PTPRD: variants seen among roughly 807,000 people sequenced by gnomAD.
PTPRD encodes protein tyrosine phosphatase receptor type D, also known as receptor-type tyrosine-protein phosphatase delta.
Under a neutral mutation model 214.5 loss-of-function variants are expected in PTPRD, and 34 were observed. The observed-to-expected ratio is 0.16, with a 90% CI of 0.12 to 0.21. PTPRD has a LOEUF of 0.21. Ranked by LOEUF, PTPRD falls within the 10% of genes least tolerant of loss-of-function variation. The pLI is 1.00. For synonymous variants in PTPRD, 1,128 were observed against 845.7 expected (o/e 1.33, Z -5.79); for missense variants, 2,545 against 2,398.7 (o/e 1.06, Z -1.27).
intron 3 of PTPRD, among the ~76,000 whole-genome samples, chr9:10,204,258 G>T (rs193219252): frequency 6.6e-6 from 1 of 152,028 alleles, no homozygotes; most frequent in Non-Finnish European, 1.5e-5. Context: ...CTTTGGGTTT[G>T]CTTGCTTCTA....
chr9:10,250,965 G>A (rs2092707483), intron 3 of PTPRD, among the ~76,000 whole-genome samples: 1 of 152,012 alleles, frequency 6.6e-6, no homozygotes, highest in Non-Finnish European at 1.5e-5. Context: ...AAAATTCAGT[G>A]CTACAAAAGT....
Position 8,354,821 on chromosome 9 carries a change from T to A in PTPRD, c.4662-12843A>T, listed in dbSNP as rs79256431. Among the ~76,000 whole-genome samples the A allele has an allele frequency of 7.9e-3, 1,210 of 152,300 alleles. 14 individuals carry two copies. Among genetic ancestry groups the A allele is most frequent in the African/African-American group, 0.026 (1,097 of 41,564 alleles). On this transcript the variant is annotated intron_variant, in intron 39 of 45. Coordinates refer to ENST00000381196, the MANE Select transcript of PTPRD (RefSeq NM_002839.4). Reference sequence around the variant, plus strand: ...TGGAGCTCCCCAGATGGACCCAAGGTCCACGATTCTATCAATCAATTTAGG... The same window carrying A: ...TGGAGCTCCCCAGATGGACCCAAGGACCACGATTCTATCAATCAATTTAGG...
intron 2 of PTPRD, among the ~76,000 whole-genome samples, chr9:10,460,077 A>G (rs2098947435): frequency 6.6e-6 from 1 of 152,080 alleles, no homozygotes; most frequent in Admixed American, 6.6e-5. Flanking sequence ...CCAACTTTGG[A>G]GCATATCTAT....
intron 2 of PTPRD, among the ~76,000 whole-genome samples, chr9:10,506,530 C>T (rs2046034778): frequency 6.6e-6 from 1 of 151,936 alleles, no homozygotes; most frequent in African/African-American, 2.4e-5. Context: ...GATTGGTACC[C>T]CACTTACCAT....
At chr9:9,482,791 G>C (rs1235490038) in intron 8 of PTPRD, among the ~76,000 whole-genome samples, 1 of 152,130 alleles carries the variant, frequency 6.6e-6, no homozygotes, top group Non-Finnish European at 1.5e-5. Flanking sequence ...CTCCTCCTTA[G>C]GGCAGCATTT....
At chr9:8,465,376 T>C in intron 32 of PTPRD, 90 bp downstream of exon 32, 1 of 1,175,164 alleles carries the variant, frequency 8.5e-7, no homozygotes, top group Non-Finnish European at 1.2e-6. Flanking sequence ...ATAATGAGGA[T>C]GGATATACCC....
At chr9:8,673,178 C>T (rs980213800) in intron 12 of PTPRD, among the ~76,000 whole-genome samples, 1 of 151,258 alleles carries the variant, frequency 6.6e-6, no homozygotes, top group African/African-American at 2.4e-5. Context: ...GTATTTTTCT[C>T]TATGAAACAC....
intron 10 of PTPRD, among the ~76,000 whole-genome samples, chr9:9,122,430 C>A (rs1380486923): frequency 6.6e-6 from 1 of 152,062 alleles, no homozygotes; most frequent in African/African-American, 2.4e-5. Context: ...CAGCAAATGT[C>A]CTAAATTTAT....
chr9:8,776,584 A>G (rs1292536420), intron 11 of PTPRD, among the ~76,000 whole-genome samples: 1 of 151,882 alleles, frequency 6.6e-6, no homozygotes, highest in Non-Finnish European at 1.5e-5. Context: ...AAGCCACTGC[A>G]CCCAGCCTAA....
chr9:10,454,816 C>T (rs115139177), intron 2 of PTPRD, among the ~76,000 whole-genome samples: 1,823 of 151,774 alleles, frequency 0.012, 33 homozygotes, highest in African/African-American at 0.039. Context: ...TGTTTACACA[C>T]ACACACACAC....
intron 11 of PTPRD, among the ~76,000 whole-genome samples, chr9:8,788,469 T>G (rs1599803053): frequency 6.6e-6 from 1 of 151,944 alleles, no homozygotes; most frequent in East Asian, 1.9e-4. Context: ...GAGACGGGGT[T>G]TCTCCATGTT....
At chr9:9,842,298 A>ATTTTT (rs138386194) in intron 5 of PTPRD, among the ~76,000 whole-genome samples, 974 of 91,328 alleles carry the variant, frequency 0.011, 38 homozygotes, top group African/African-American at 0.022. Flanking sequence ...GAAGGAGAGC[A>ATTTTT]TTTTTTTTTT....
At chr9:9,007,640 G>A (rs2099484198) in intron 11 of PTPRD, among the ~76,000 whole-genome samples, 1 of 150,832 alleles carries the variant, frequency 6.6e-6, no homozygotes, top group African/African-American at 2.4e-5. Flanking sequence ...ACATCAATCT[G>A]GACCTGTTGC....
intron 4 of PTPRD, among the ~76,000 whole-genome samples, chr9:10,023,928 T>C (rs2096872500): frequency 6.6e-6 from 1 of 152,194 alleles, no homozygotes; most frequent in African/African-American, 2.4e-5. Context: ...ATGAATTACT[T>C]CAAGTACATA....
chr9:10,182,444 G>C (rs2099303102), intron 3 of PTPRD, among the ~76,000 whole-genome samples: 1 of 151,330 alleles, frequency 6.6e-6, no homozygotes, highest in African/African-American at 2.4e-5. Flanking sequence ...CTGGAAAATA[G>C]GGGAGATCAA....
chr9:9,308,454 A>T (rs996870665), intron 9 of PTPRD, among the ~76,000 whole-genome samples: 1 of 152,190 alleles, frequency 6.6e-6, no homozygotes, highest in African/African-American at 2.4e-5. Context: ...ATATCATGTT[A>T]CTTATTGAAG....
intron 9 of PTPRD, among the ~76,000 whole-genome samples, chr9:9,306,434 C>CA (rs1957148600): frequency 6.6e-6 from 1 of 151,268 alleles, no homozygotes; most frequent in Non-Finnish European, 1.5e-5. Context: ...GGGGTGTGGT[C>CA]ACACCTGTAG....
At chr9:9,344,244 A>G (rs1037600176) in intron 9 of PTPRD, among the ~76,000 whole-genome samples, 1 of 151,950 alleles carries the variant, frequency 6.6e-6, no homozygotes, top group Non-Finnish European at 1.5e-5. Context: ...CCCAAACACC[A>G]CATGTTCTCA....
intron 3 of PTPRD, among the ~76,000 whole-genome samples, chr9:10,077,898 GT>G: frequency 6.6e-6 from 1 of 151,518 alleles, no homozygotes; most frequent in East Asian, 2.0e-4. Flanking sequence ...GTTCATTCTG[GT>G]TTTGGTAATC....
Sources: gnomAD v4.1 joint callset for allele counts (sites outside exome capture counted in the v4.1 genomes callset) on GRCh38, gnomAD v4.1.1 for gene constraint, MANE v1.5 for transcripts, NCBI Gene and HGNC (gene_info 2026-07-23, HGNC 2026-07-21) for gene names.